Variants in ABCA4 observed in about 807,000 individuals in gnomAD.
ABCA4 encodes retinal-specific phospholipid-transporting ATPase ABCA4.
In ABCA4, 196 loss-of-function variants were observed where a neutral mutation model predicts 263.7. That is an observed-to-expected ratio of 0.74 (90% CI 0.66 to 0.84). The LOEUF (loss-of-function observed/expected upper bound fraction) is 0.84. Among genes scored for constraint, ABCA4 ranks in the 40% least tolerant of loss-of-function variants. ABCA4 has a pLI of 0.00. For missense variants in ABCA4, 2,792 were observed against 2,855.1 expected, an observed-to-expected ratio of 0.98 and a Z score of 0.50; for synonymous variants, 1,133 against 1,094.2, an observed-to-expected ratio of 1.04 and a Z score of -0.70.
At chr1:94,003,620 A>G (rs1659276858) in intron 44 of ABCA4, among the ~76,000 whole-genome samples, 1 of 152,138 alleles carries the variant, frequency 6.6e-6, no homozygotes, top group East Asian at 1.9e-4. Context: ...AGTTACTTTT[A>G]TTTCTTTAAA....
In ABCA4 at chr1:94,078,570, C is replaced by T; in HGVS notation, c.1356+20G>A. On this transcript the variant is annotated intron_variant, in intron 10 of 49. Transcript: ENST00000370225. ...CCGCTTCCTCCTCCCCTCCCCTCCC[C>T]ATCCTCCAACCCCCCTTACTCTGAT... 1 of 1,075,074 alleles carries T rather than the reference C, an allele frequency of 9.3e-7. No individual in the cohort carries two copies. Among genetic ancestry groups the T allele is most frequent in the Middle Eastern group, 2.0e-4 (1 of 4,882 alleles). 66.6% of individuals were successfully genotyped at this position (1,075,074 alleles called of 1,614,324 possible).
At chr1:94,058,155 G>A (rs757512727) in intron 14 of ABCA4, among the ~76,000 whole-genome samples, 6 of 152,148 alleles carry the variant, frequency 3.9e-5, no homozygotes, top group Non-Finnish European at 7.4e-5. Flanking sequence ...AAAGGGGAGC[G>A]GGGCACAGAA....
intron 2 of ABCA4, among the ~76,000 whole-genome samples, chr1:94,112,319 T>C (rs1175338435): frequency 1.3e-5 from 2 of 152,242 alleles, no homozygotes; most frequent in African/African-American, 4.8e-5. Context: ...GCACCATGTA[T>C]AACATATTCT....
intron 47 of ABCA4, among the ~76,000 whole-genome samples, 197 bp downstream of exon 47, chr1:94,000,639 A>T (rs1474232001): frequency 6.6e-6 from 1 of 152,162 alleles, no homozygotes; most frequent in Non-Finnish European, 1.5e-5. Flanking sequence ...ACCACAGGAA[A>T]TTAGGCCAAT....
chr1:94,000,672 T>A (rs142169508), intron 47 of ABCA4, among the ~76,000 whole-genome samples, 164 bp downstream of exon 47: 6 of 152,308 alleles, frequency 3.9e-5, no homozygotes, highest in African/African-American at 1.4e-4. Context: ...CTTATCAGCA[T>A]GATGGCCTTC....
At chr1:94,088,725 G>A (rs1486598236) in intron 6 of ABCA4, among the ~76,000 whole-genome samples, 1 of 152,136 alleles carries the variant, frequency 6.6e-6, no homozygotes, top group African/African-American at 2.4e-5. Context: ...GGGTAACCAA[G>A]GGACATCTGA....
intron 6 of ABCA4, among the ~76,000 whole-genome samples, chr1:94,088,135 AC>A (rs1230772118): frequency 6.7e-6 from 1 of 150,006 alleles, no homozygotes; most frequent in African/African-American, 2.5e-5. Flanking sequence ...TTTATCAAGA[AC>A]CCCCCAGTTT....
chr1:93,995,872 C>T (rs1658985169), intron 49 of ABCA4, among the ~76,000 whole-genome samples: 1 of 152,192 alleles, frequency 6.6e-6, no homozygotes, highest in South Asian at 2.1e-4. Context: ...TTCCTGATTA[C>T]AATAGGAACC....
At chr1:94,100,697 G>C (rs1450571436) in intron 5 of ABCA4, among the ~76,000 whole-genome samples, 1 of 152,168 alleles carries the variant, frequency 6.6e-6, no homozygotes, top group South Asian at 2.1e-4. Context: ...GGAATGGTGA[G>C]GTTCCTTCTG....
chr1:94,095,290 C>T (rs572690802), intron 6 of ABCA4, among the ~76,000 whole-genome samples: 6 of 151,728 alleles, frequency 4.0e-5, no homozygotes, highest in African/African-American at 1.2e-4. Flanking sequence ...CCCAGCGCCC[C>T]CCTCCGATTC....
chr1:94,110,879 C>T (rs1448289117), intron 3 of ABCA4, among the ~76,000 whole-genome samples: 1 of 152,050 alleles, frequency 6.6e-6, no homozygotes. Context: ...GCACCCGAGC[C>T]ATATTCCGAG....
Position 94,060,773 on chromosome 1 carries a change from A to G in ABCA4, c.1938-14T>C, listed in dbSNP as rs1400083114. On this transcript the variant is annotated splice_polypyrimidine_tract_variant and intron_variant, in intron 13 of 49. Coordinates refer to ENST00000370225, the MANE Select transcript of ABCA4 (RefSeq NM_000350.3). ...ATGATCATGAAACTAAAGCAAAAGG[A>G]GAGAAGCAGAATAGTAGAGTGCTCT... 10 of 1,587,738 alleles carry G rather than the reference A, an allele frequency of 6.3e-6. No individual in the cohort carries two copies. The highest frequency in any genetic ancestry group is 8.6e-6 in the Non-Finnish European group (10 of 1,161,142).
chr1:94,041,823 C>T (rs934675959), intron 22 of ABCA4, among the ~76,000 whole-genome samples: 4 of 152,164 alleles, frequency 2.6e-5, no homozygotes, highest in African/African-American at 7.2e-5. Flanking sequence ...AGGCCGGGCA[C>T]GGTGGCTCAT....
intron 6 of ABCA4, among the ~76,000 whole-genome samples, chr1:94,091,253 T>C (rs1661958096): frequency 6.6e-6 from 1 of 152,196 alleles, no homozygotes; most frequent in South Asian, 2.1e-4. Context: ...GTGCTACAGC[T>C]ACAATTTCCT....
chr1:94,090,330 GT>G (rs1219217964), intron 6 of ABCA4, among the ~76,000 whole-genome samples: 1 of 149,746 alleles, frequency 6.7e-6, no homozygotes, highest in Admixed American at 6.6e-5. Context: ...TAATTCTAAA[GT>G]TTTTTCATTT....
chr1:94,024,862 T>C (rs1659992795), intron 31 of ABCA4, 92 bp downstream of exon 31: 3 of 1,164,994 alleles, frequency 2.6e-6, no homozygotes, highest in South Asian at 2.5e-5. Context: ...GCCCTGATCA[T>C]ACATAAATTG....
intron 29 of ABCA4, among the ~76,000 whole-genome samples, chr1:94,029,926 A>G (rs549779785): frequency 6.6e-6 from 1 of 152,310 alleles, no homozygotes; most frequent in Admixed American, 6.5e-5. Context: ...ATTTGAAATT[A>G]GTCTGTTTTG....
chr1:94,018,637 T>C, intron 36 of ABCA4: 1 of 453,924 alleles, frequency 2.2e-6, no homozygotes, highest in Non-Finnish European at 4.4e-6. Flanking sequence ...TTGGTATATC[T>C]TATCATCACA....
chr1:94,051,189 C>T (rs1660830949), intron 17 of ABCA4, among the ~76,000 whole-genome samples: 1 of 152,102 alleles, frequency 6.6e-6, no homozygotes, highest in South Asian at 2.1e-4. Flanking sequence ...GAGGAGTCTT[C>T]ATCTTGGGAG....
Sources: allele counts gnomAD v4.1 joint callset (sites outside exome capture counted in the v4.1 genomes callset), GRCh38; gene constraint gnomAD v4.1.1; transcripts MANE v1.5; gene names NCBI Gene and HGNC (gene_info 2026-07-23, HGNC 2026-07-21).